The following DCAF13 variants were observed in gnomAD, a reference collection of about 807,000 sequenced individuals.
DCAF13 encodes DDB1- and CUL4-associated factor 13.
Under a neutral mutation model 59.0 loss-of-function variants are expected in DCAF13, and 38 were observed. The ratio of observed to expected loss-of-function variants is 0.64; its 90% confidence interval spans 0.50 to 0.84. DCAF13 has a LOEUF of 0.84. DCAF13 is among the 40% of genes least tolerant of loss of function. The pLI, the probability that DCAF13 is intolerant of heterozygous loss-of-function variation, is 0.00. For missense variants in DCAF13, 469 were observed against 558.4 expected (o/e 0.84, Z 1.61); for synonymous variants, 173 against 175.0 (o/e 0.99, Z 0.09).
rs901480978 is a variant in DCAF13 at position 103,429,876 on chromosome 8, T to A, written c.625-736T>A. The A allele has an allele frequency of 2.6e-5, 4 of 152,194 alleles. No individual in the cohort carries two copies. In the East Asian group the frequency reaches 7.7e-4, roughly 29 times the overall value. The allele number at this position is 152,194 out of a possible 1,614,324, so 9.4% of individuals were successfully genotyped here. ...TTGGAAAAATAATTAGCCCTAAATA[T>A]CAAAAGCCATAAAATTGTTCATACC... On this transcript the variant is annotated intron_variant, in intron 5 of 10. Transcript: ENST00000612750.
intron 1 of DCAF13, among the ~76,000 whole-genome samples, chr8:103,418,977 A>G (rs1816683488): frequency 7.1e-6 from 1 of 140,974 alleles, no homozygotes; most frequent in Admixed American, 7.3e-5. Context: ...TCCACCTCCC[A>G]GGTTCAAGTG....
At chr8:103,439,374 T>G (rs986686288) in intron 8 of DCAF13, 5 of 150,238 alleles carry the variant, frequency 3.3e-5, no homozygotes, top group Non-Finnish European at 5.9e-5. Context: ...TCAACTCACT[T>G]TAATTAAGCT....
chr8:103,417,846 G>T (rs917596882), intron 1 of DCAF13, among the ~76,000 whole-genome samples: 1 of 151,950 alleles, frequency 6.6e-6, no homozygotes. Context: ...TAGGCTGGGC[G>T]CAGTGGCTCA....
intron 3 of DCAF13, among the ~76,000 whole-genome samples, chr8:103,424,403 A>C (rs534144630): frequency 6.6e-6 from 1 of 152,342 alleles, no homozygotes; most frequent in South Asian, 2.1e-4. Context: ...TACAACTTTA[A>C]GAATGTTTTT....
At chr8:103,419,433 T>C (rs1381863162) in intron 1 of DCAF13, among the ~76,000 whole-genome samples, 1 of 152,228 alleles carries the variant, frequency 6.6e-6, no homozygotes, top group East Asian at 1.9e-4. Context: ...TGAACTCTTA[T>C]GTGAGTCTTT....
In DCAF13 at chr8:103,420,276, A is replaced by G. The variant is rs773394170; in HGVS notation, c.83A>G (p.Tyr28Cys). The change falls in exon 2 of 11, where the codon TAT (tyrosine) becomes TGT (cysteine). Residue 28 changes from tyrosine (Y) to cysteine (C), a missense_variant. Tyr to Cys is a radical substitution (Grantham distance 194). This residue lies in a region of DCAF13 where 355 missense variants were observed against 399.1 expected (regional missense o/e 0.89). Transcript: ENST00000612750. ...ATTCTTATTTCAGTTCCAAGAAACT[A>G]TGATCCTGCTTTACATCCTTTTGAG... is the stretch of plus-strand genomic sequence containing the variant. ...KLDLQRVPRNYDPALHPFEVP... is the reference protein window; with the variant it reads ...KLDLQRVPRNCDPALHPFEVP... 1.7e-5 allele frequency: 28 copies of G among 1,613,594 alleles called. No homozygotes were observed. The highest frequency in any genetic ancestry group is 2.2e-5 in the East Asian group (1 of 44,892).
At chr8:103,425,926 A>T in intron 3 of DCAF13, 130 bp from the exon 4 acceptor site, 3 of 651,852 alleles carry the variant, frequency 4.6e-6, no homozygotes, top group Non-Finnish European at 8.4e-6. Flanking sequence ...AAATGGATCA[A>T]TAAGTGTAAT....
chr8:103,432,381 GTTACT>G lies in DCAF13; in HGVS notation c.703-274_703-270del, dbSNP rs1411490292. Among the ~76,000 whole-genome samples, 4 of 152,030 alleles carry G rather than the reference GTTACT, an allele frequency of 2.6e-5. No homozygotes were observed. In the East Asian group the frequency reaches 7.7e-4, roughly 29 times the overall value. On this transcript the variant is annotated intron_variant, in intron 6 of 10. Transcript: ENST00000612750. Reference sequence around the variant, plus strand: ...CCCCTAATTTGATACTTAGTCATTTGTTACTTTATTGTTTATATTTTAACTTTTAT... The same window carrying G: ...CCCCTAATTTGATACTTAGTCATTTGTTATTGTTTATATTTTAACTTTTAT...
Position 103,441,530 on chromosome 8 carries a change from A to G in DCAF13, c.1162A>G (p.Lys388Glu). ...KEKFQHYPHI[K>E]RIARHRHLPK... Reference sequence around the variant, plus strand: ...GAAATTTCAGCATTATCCTCATATAAAACGTATAGCTCGTCATCGACATCT... The same window carrying G: ...GAAATTTCAGCATTATCCTCATATAGAACGTATAGCTCGTCATCGACATCT... The change falls in exon 10 of 11, where the codon AAA becomes GAA. Residue 388 changes from lysine to glutamate, a missense_variant. Lys to Glu is a moderately conservative substitution (Grantham distance 56, BLOSUM62 1). Coordinates refer to ENST00000612750, the MANE Select transcript of DCAF13 (RefSeq NM_015420.7). 2.5e-6 allele frequency: 4 copies of G among 1,608,582 alleles called. No individual in the cohort carries two copies. The highest frequency in any genetic ancestry group is 2.5e-6 in the Non-Finnish European group (3 of 1,178,802).
At chr8:103,427,028 T>A (rs1213395516) in intron 4 of DCAF13, 69 bp from the exon 5 acceptor site, 1 of 1,227,544 alleles carries the variant, frequency 8.1e-7, no homozygotes, top group Non-Finnish European at 1.1e-6. Flanking sequence ...GATAAATATA[T>A]TTAAAATATT....
At chr8:103,417,453 AAC>A (rs1199969424) in intron 1 of DCAF13, among the ~76,000 whole-genome samples, 2 of 151,696 alleles carry the variant, frequency 1.3e-5, no homozygotes, top group African/African-American at 4.8e-5. Flanking sequence ...CATCCTGGCT[AAC>A]ACAGTGAAAT....
At chr8:103,421,395 A>C (rs947534354) in intron 3 of DCAF13, 1 of 415,612 alleles carries the variant, frequency 2.4e-6, no homozygotes, top group East Asian at 5.9e-5. Context: ...TTTGTTAGTC[A>C]GATAATAAGG....
intron 10 of DCAF13, 63 bp downstream of exon 10, chr8:103,441,681 A>C: frequency 6.8e-7 from 1 of 1,479,812 alleles, no homozygotes; most frequent in East Asian, 2.3e-5. Flanking sequence ...CTCACCAAAA[A>C]CAAAGTTAAC....
chr8:103,415,643 A>C, intron 1 of DCAF13, 127 bp downstream of exon 1: 2 of 907,602 alleles, frequency 2.2e-6, no homozygotes, highest in Non-Finnish European at 3.3e-6. Flanking sequence ...ACCTTTCGCT[A>C]AGGCAAACTT....
intron 3 of DCAF13, among the ~76,000 whole-genome samples, chr8:103,422,737 A>G (rs1439987829): frequency 6.6e-6 from 1 of 152,220 alleles, no homozygotes; most frequent in African/African-American, 2.4e-5. Context: ...TAATCAGTCA[A>G]ATAGATCTTC....
chr8:103,415,640 G>A (rs565092440), intron 1 of DCAF13, 124 bp downstream of exon 1: 3 of 936,818 alleles, frequency 3.2e-6, no homozygotes, highest in East Asian at 5.2e-5. Flanking sequence ...GTTACCTTTC[G>A]CTAAGGCAAA....
intron 7 of DCAF13, 56 bp downstream of exon 7, chr8:103,432,797 A>G (rs1816884274): frequency 4.6e-6 from 5 of 1,080,674 alleles, no homozygotes; most frequent in Non-Finnish European, 7.1e-6. Context: ...GCTTAATTGT[A>G]TAAGTCGTAC....
At chr8:103,428,833 T>C (rs553725567) in intron 5 of DCAF13, 1 of 152,052 alleles carries the variant, frequency 6.6e-6, no homozygotes, top group Non-Finnish European at 1.5e-5. Flanking sequence ...AATTCTAAAA[T>C]CGTAATTATT....
At position 103,430,783 on chromosome 8, in the gene DCAF13, A is replaced by C. The variant is rs574740361; in HGVS notation, c.702+94A>C. ...AACAATATGGAGCAAATATTTTCTC[A>C]GAATTAAAAAAATCTTTTATACAGG... On this transcript the variant is annotated intron_variant, in intron 6 of 10. Coordinates refer to ENST00000612750, the MANE Select transcript of DCAF13 (RefSeq NM_015420.7). 1.6e-4 allele frequency: 147 copies of C among 908,676 alleles called. 1 individual carries two copies. In the Admixed American group the frequency reaches 3.6e-3, roughly 22 times the overall value. 56.3% of individuals were successfully genotyped at this position (908,676 alleles called of 1,614,324 possible).
Sources: allele counts gnomAD v4.1 joint callset (sites outside exome capture counted in the v4.1 genomes callset), GRCh38; gene constraint gnomAD v4.1.1; regional missense constraint gnomAD v4.1.1; transcripts MANE v1.5; gene names NCBI Gene and HGNC (gene_info 2026-07-23, HGNC 2026-07-21).